GRIK1: variants seen among roughly 807,000 people sequenced by gnomAD.
GRIK1 encodes the protein glutamate ionotropic receptor kainate type subunit 1.
GRIK1 carries 69 observed loss-of-function variants against 105.7 expected under a neutral mutation model. The observed-to-expected ratio is 0.65, with a 90% CI of 0.54 to 0.80. The LOEUF (loss-of-function observed/expected upper bound fraction) is 0.80, where lower values mean the gene tolerates loss of function less well. Ranked by LOEUF, GRIK1 falls within the 30% of genes least tolerant of loss-of-function variation. GRIK1 has a pLI of 0.00. For missense variants in GRIK1, 1,109 were observed against 1,167.3 expected (o/e 0.95, Z 0.73); for synonymous variants, 438 against 431.3 (o/e 1.02, Z -0.19).
chr21:29,539,736 G>A (rs1233852527), intron 16 of GRIK1, among the ~76,000 whole-genome samples: 1 of 152,110 alleles, frequency 6.6e-6, no homozygotes, highest in Admixed American at 6.6e-5. Context: ...TGGAAGGAAC[G>A]AAAGGAGGAA....
At chr21:29,716,539 C>T (rs1298461395) in intron 1 of GRIK1, among the ~76,000 whole-genome samples, 2 of 152,108 alleles carry the variant, frequency 1.3e-5, no homozygotes, top group Non-Finnish European at 2.9e-5. Context: ...CTGACTTGGT[C>T]ACAAGTGGAG....
intron 1 of GRIK1, among the ~76,000 whole-genome samples, chr21:29,810,195 G>A (rs2066973662): frequency 6.6e-6 from 1 of 151,958 alleles, no homozygotes; most frequent in Non-Finnish European, 1.5e-5. Context: ...TACTCAGGAG[G>A]CTGAGGCAGG....
Position 29,561,948 on chromosome 21 carries a change from A to C in GRIK1, c.2131-99T>G, listed in dbSNP as rs938762398. 18 of 705,888 alleles carry C rather than the reference A, an allele frequency of 2.5e-5. No individual in the cohort carries two copies. In the African/African-American group the frequency reaches 2.6e-4, roughly 10 times the overall value. The allele number at this position is 705,888 out of a possible 1,614,324, so 43.7% of individuals were successfully genotyped here. On this transcript the variant is annotated intron_variant, in intron 14 of 17. Coordinates refer to ENST00000327783, the MANE Select transcript of GRIK1 (RefSeq NM_001330994.2). ...AATGGTTCAAATAATGATAGGGAGG[A>C]TACTTTCTCCACAGGTGGGGGAGTC... is the stretch of plus-strand genomic sequence containing the variant.
At chr21:29,795,593 T>G (rs951584564) in intron 1 of GRIK1, among the ~76,000 whole-genome samples, 2 of 152,214 alleles carry the variant, frequency 1.3e-5, no homozygotes, top group Admixed American at 1.3e-4. Flanking sequence ...CCTGAATTAA[T>G]GTAAACTTTT....
At chr21:29,787,288 A>T (rs1041372549) in intron 1 of GRIK1, among the ~76,000 whole-genome samples, 1 of 152,190 alleles carries the variant, frequency 6.6e-6, no homozygotes, top group African/African-American at 2.4e-5. Flanking sequence ...CTTATCATTT[A>T]AAGTCTCTCC....
intron 3 of GRIK1, among the ~76,000 whole-genome samples, chr21:29,683,026 GA>G (rs1484322950): frequency 1.3e-5 from 2 of 152,276 alleles, no homozygotes; most frequent in African/African-American, 2.4e-5. Context: ...ACGAGCATAT[GA>G]AAAAATGCTC....
At chr21:29,890,563 T>G (rs1304060771) in intron 1 of GRIK1, among the ~76,000 whole-genome samples, 1 of 151,930 alleles carries the variant, frequency 6.6e-6, no homozygotes, top group Non-Finnish European at 1.5e-5. Flanking sequence ...AGATCTGTCT[T>G]CCATTCTGAA....
At chr21:29,583,667 T>C (rs1258785107) in intron 12 of GRIK1, among the ~76,000 whole-genome samples, 1 of 152,206 alleles carries the variant, frequency 6.6e-6, no homozygotes, top group African/African-American at 2.4e-5. Flanking sequence ...GCAATGTGAT[T>C]CTGCCTGCTC....
rs2063291141 is a variant in GRIK1, at chr21:29,677,402, TC to T, written c.545-4239del. Among the ~76,000 whole-genome samples, 7 of 152,222 alleles carry T rather than the reference TC, an allele frequency of 4.6e-5. No homozygotes were observed. In the South Asian group the frequency reaches 1.5e-3, roughly 32 times the overall value. ...TTTACAGAAAGAAGGCTGTTTTTTT[TC>T]ACATGAATTTGAGCTAAGCTCTGCA... On this transcript the variant is annotated intron_variant, in intron 3 of 17. Coordinates refer to ENST00000327783, the MANE Select transcript of GRIK1 (RefSeq NM_001330994.2).
At chr21:29,689,622 A>C in intron 3 of GRIK1, 106 bp downstream of exon 3, 7 of 916,210 alleles carry the variant, frequency 7.6e-6, no homozygotes, top group Non-Finnish European at 1.1e-5. Flanking sequence ...TTTATATAAA[A>C]GAGCATTTTT....
At chr21:29,918,034 T>C (rs1569217233) in intron 1 of GRIK1, among the ~76,000 whole-genome samples, 1 of 152,012 alleles carries the variant, frequency 6.6e-6, no homozygotes, top group African/African-American at 2.4e-5. Context: ...AGTGGATAAA[T>C]AGATAGATTA....
At chr21:29,611,560 A>G (rs183895273) in intron 7 of GRIK1, among the ~76,000 whole-genome samples, 8 of 152,316 alleles carry the variant, frequency 5.3e-5, no homozygotes, top group Admixed American at 5.2e-4. Context: ...AGTGGCATAA[A>G]TGTAATCACA....
At chr21:29,621,119 C>T (rs1016237488) in intron 7 of GRIK1, among the ~76,000 whole-genome samples, 3 of 151,992 alleles carry the variant, frequency 2.0e-5, no homozygotes, top group African/African-American at 7.2e-5. Flanking sequence ...ATGTGCCTTC[C>T]TAAATTTTAA....
chr21:29,741,019 C>T lies in GRIK1; in HGVS notation c.119-46956G>A, dbSNP rs566724247. ...ACTGCTCTTGTTTCTCTCAGAAAGC[C>T]TTTCTGTACTACCAGGGCGATGTGT... is the stretch of plus-strand genomic sequence containing the variant. On this transcript the variant is annotated intron_variant, in intron 1 of 17. Coordinates refer to ENST00000327783, the MANE Select transcript of GRIK1 (RefSeq NM_001330994.2). Among the ~76,000 whole-genome samples, 123 of 152,322 alleles carry T rather than the reference C, an allele frequency of 8.1e-4. 1 individual carries two copies. Among genetic ancestry groups the T allele is most frequent in the African/African-American group, 2.6e-3 (110 of 41,570 alleles).
At chr21:29,756,558 C>T (rs542609355) in intron 1 of GRIK1, among the ~76,000 whole-genome samples, 3 of 152,106 alleles carry the variant, frequency 2.0e-5, no homozygotes, top group Admixed American at 1.3e-4. Context: ...CTCAGGTTCA[C>T]GCCTGGGTGC....
chr21:29,731,539 G>T (rs2064625870), intron 1 of GRIK1, among the ~76,000 whole-genome samples: 2 of 152,096 alleles, frequency 1.3e-5, no homozygotes, highest in South Asian at 4.1e-4. Flanking sequence ...CTCTATTCTT[G>T]TCTATAGCTG....
intron 1 of GRIK1, among the ~76,000 whole-genome samples, chr21:29,852,169 T>A (rs1287655714): frequency 6.6e-6 from 1 of 152,224 alleles, no homozygotes; most frequent in Non-Finnish European, 1.5e-5. Flanking sequence ...TCCTTAATGC[T>A]GCTTTGTCAC....
At position 29,937,824 on chromosome 21, in the gene GRIK1, GA is replaced by G. The variant is rs377661879; in HGVS notation, c.118+1558del. On this transcript the variant is annotated intron_variant, in intron 1 of 17. Transcript: ENST00000327783. ...TTTTTTTTTTTGACCAGGGTGAGTA[GA>G]GTTGATTGCATTCCCAAAAACCCAG... Among the ~76,000 whole-genome samples, 469 of 150,438 alleles carry G rather than the reference GA, an allele frequency of 3.1e-3. 4 individuals are homozygous for G. The highest frequency in any genetic ancestry group is 0.011 in the African/African-American group (445 of 40,930).
chr21:29,792,117 T>A (rs1421552984), intron 1 of GRIK1, among the ~76,000 whole-genome samples: 1 of 152,288 alleles, frequency 6.6e-6, no homozygotes, highest in African/African-American at 2.4e-5. Flanking sequence ...GTATATAGTA[T>A]ATATTAATAA....
Sources: allele counts gnomAD v4.1 joint callset (sites outside exome capture counted in the v4.1 genomes callset), GRCh38; gene constraint gnomAD v4.1.1; transcripts MANE v1.5; gene names NCBI Gene and HGNC (gene_info 2026-07-23, HGNC 2026-07-21).